Variants in RIMS2 observed in about 807,000 individuals in gnomAD.
RIMS2 encodes regulating synaptic membrane exocytosis protein 2.
In RIMS2, 59 loss-of-function variants were observed where a neutral mutation model predicts 174.4. The observed-to-expected ratio is 0.34, with a 90% CI of 0.27 to 0.42. The LOEUF (loss-of-function observed/expected upper bound fraction) is 0.42, where lower values mean the gene tolerates loss of function less well. Ranked by LOEUF, RIMS2 falls within the 10% of genes least tolerant of loss-of-function variation. The pLI is 1.00. For missense variants in RIMS2, 1,620 were observed against 1,666.3 expected (o/e 0.97, Z 0.48); for synonymous variants, 606 against 572.5 (o/e 1.06, Z -0.84).
chr8:104,099,893 T>C (rs970526949), intron 19 of RIMS2, among the ~76,000 whole-genome samples: 12 of 151,882 alleles, frequency 7.9e-5, no homozygotes, highest in Non-Finnish European at 4.4e-5. Context: ...CATGGCTCAC[T>C]GCAGCCTCTG....
At chr8:103,735,867 A>C (rs2097679096) in intron 2 of RIMS2, among the ~76,000 whole-genome samples, 1 of 152,220 alleles carries the variant, frequency 6.6e-6, no homozygotes, top group African/African-American at 2.4e-5. Flanking sequence ...CAGTAGATGA[A>C]CTTTTTCTAG....
intron 17 of RIMS2, among the ~76,000 whole-genome samples, chr8:103,995,753 G>C (rs1178679702): frequency 6.6e-6 from 1 of 152,028 alleles, no homozygotes; most frequent in Non-Finnish European, 1.5e-5. Flanking sequence ...CTGTAGACAA[G>C]ATGAAGATTG....
At chr8:103,606,012 C>A (rs1217963323) in intron 1 of RIMS2, among the ~76,000 whole-genome samples, 1 of 145,700 alleles carries the variant, frequency 6.9e-6, no homozygotes, top group Admixed American at 6.7e-5. Context: ...CAGTTCTGCT[C>A]TGATTTTAGT....
At chr8:104,217,278 GT>G (rs11415917) in intron 19 of RIMS2, among the ~76,000 whole-genome samples, 1 of 141,396 alleles carries the variant, frequency 7.1e-6, no homozygotes, top group Admixed American at 7.3e-5. Context: ...TTGTTTTTTT[GT>G]TTTTTTTGAG....
intron 10 of RIMS2, among the ~76,000 whole-genome samples, chr8:103,923,699 A>G (rs79102479): frequency 7.5e-4 from 114 of 151,892 alleles, no homozygotes; most frequent in African/African-American, 2.6e-3. Flanking sequence ...TAAAACTTTT[A>G]GCTGTATATG....
intron 1 of RIMS2, among the ~76,000 whole-genome samples, chr8:103,689,424 G>C (rs1009067463): frequency 6.6e-6 from 1 of 151,580 alleles, no homozygotes; most frequent in East Asian, 1.9e-4. Flanking sequence ...TTTTCTGTCT[G>C]GATGATCTGT....
chr8:104,234,408 A>G (rs556832231), intron 19 of RIMS2, among the ~76,000 whole-genome samples: 2 of 151,844 alleles, frequency 1.3e-5, no homozygotes, highest in East Asian at 3.9e-4. Flanking sequence ...TCAAGTACAG[A>G]TCTGAAAGTT....
intron 2 of RIMS2, among the ~76,000 whole-genome samples, chr8:103,760,239 A>G (rs1446045091): frequency 1.3e-5 from 2 of 152,230 alleles, no homozygotes; most frequent in African/African-American, 2.4e-5. Flanking sequence ...GACCCATCAG[A>G]CATTCCTGCT....
chr8:103,818,779 A>G (rs1477237567), intron 3 of RIMS2, among the ~76,000 whole-genome samples: 3 of 152,150 alleles, frequency 2.0e-5, no homozygotes, highest in African/African-American at 4.8e-5. Context: ...ATAAATGGAG[A>G]AATTTTAAAA....
intron 1 of RIMS2, among the ~76,000 whole-genome samples, chr8:103,629,556 CATAAA>C (rs1358907416): frequency 6.6e-6 from 1 of 152,062 alleles, no homozygotes; most frequent in Admixed American, 6.5e-5. Context: ...AGAAGGGTGT[CATAAA>C]ATAATATGTA....
At chr8:104,079,598 GATATATATATATAT>G (rs5893676) in intron 19 of RIMS2, among the ~76,000 whole-genome samples, 16,373 of 51,108 alleles carry the variant, frequency 0.32, 1,892 homozygotes, top group East Asian at 0.51. Context: ...GATTAAGCAT[GATATATATATATAT>G]ATATATATAT....
At chr8:103,602,716 T>A (rs1186452988) in intron 1 of RIMS2, among the ~76,000 whole-genome samples, 6 of 152,236 alleles carry the variant, frequency 3.9e-5, no homozygotes, top group African/African-American at 7.2e-5. Flanking sequence ...GATGCACATT[T>A]GGGTTGAATC....
At chr8:104,121,344 A>G (rs1045287185) in intron 19 of RIMS2, among the ~76,000 whole-genome samples, 3 of 152,178 alleles carry the variant, frequency 2.0e-5, no homozygotes, top group South Asian at 2.1e-4. Context: ...ATTTTTAAAT[A>G]CATTAAGGCA....
At chr8:103,846,340 A>T (rs2154490506) in intron 3 of RIMS2, among the ~76,000 whole-genome samples, 1 of 152,298 alleles carries the variant, frequency 6.6e-6, no homozygotes, top group Non-Finnish European at 1.5e-5. Flanking sequence ...CTTCAGGAAT[A>T]AATTGTAAGG....
chr8:104,094,192 C>T (rs941611586), intron 19 of RIMS2, among the ~76,000 whole-genome samples: 1 of 151,822 alleles, frequency 6.6e-6, no homozygotes, highest in African/African-American at 2.4e-5. Flanking sequence ...TTGTTTTACT[C>T]TTATTGGATT....
chr8:104,240,440 T>C (rs2099280835), intron 19 of RIMS2, among the ~76,000 whole-genome samples: 1 of 152,176 alleles, frequency 6.6e-6, no homozygotes, highest in Non-Finnish European at 1.5e-5. Flanking sequence ...TAGCTAAAGA[T>C]TTTGTGGTGC....
In RIMS2 at chr8:104,175,155, CAAAA is replaced by C. The variant is rs545579233; in HGVS notation, c.3335-69760_3335-69757del. Among the ~76,000 whole-genome samples the C allele has an allele frequency of 1.1e-4, 16 of 152,162 alleles. No individual in the cohort carries two copies. The South Asian group carries it at 3.3e-3, about 32-fold the overall frequency. On this transcript the variant is annotated intron_variant, in intron 19 of 23. Coordinates refer to ENST00000504942, the Ensembl canonical transcript of RIMS2. ...TGAAGAGCTGCCATTTTCGTTAAGC[CAAAA>C]GATGTGTTATCTGCTAAAATATAAT...
exon 4 of RIMS2, chr8:103,885,481 G>T: frequency 6.2e-7 from 1 of 1,612,522 alleles, no homozygotes; most frequent in Non-Finnish European, 8.5e-7. Context: ...TAAGTTATAG[G>T]GACTCCAACA....
chr8:103,670,535 C>T (rs2096731710), intron 1 of RIMS2, among the ~76,000 whole-genome samples: 1 of 152,172 alleles, frequency 6.6e-6, no homozygotes, highest in Admixed American at 6.5e-5. Context: ...ATGCTTTTAA[C>T]AGCACCCAAG....
Sources: allele counts gnomAD v4.1 joint callset (sites outside exome capture counted in the v4.1 genomes callset), GRCh38; gene constraint gnomAD v4.1.1; transcripts MANE v1.5; gene names NCBI Gene and HGNC (gene_info 2026-07-23, HGNC 2026-07-21).